NPHP4: variants seen among roughly 807,000 people sequenced by gnomAD.
The protein encoded by NPHP4 is nephrocystin 4.
In NPHP4, 151 loss-of-function variants were observed where a neutral mutation model predicts 155.8. That is an observed-to-expected ratio of 0.97 (90% CI 0.85 to 1.11). The LOEUF is 1.11. NPHP4 is among the 50% of genes least tolerant of loss of function. The pLI is 0.00. For synonymous variants in NPHP4, 845 were observed against 816.8 expected, an observed-to-expected ratio of 1.03 and a Z score of -0.59; for missense variants, 1,956 against 1,925.7, an observed-to-expected ratio of 1.02 and a Z score of -0.29.
At chr1:5,923,290 T>A (rs538967098) in intron 11 of NPHP4, among the ~76,000 whole-genome samples, 1 of 152,180 alleles carries the variant, frequency 6.6e-6, no homozygotes, top group Admixed American at 6.5e-5. Flanking sequence ...TAAAATACAT[T>A]TTCTTTTAAA....
At chr1:5,961,717 C>T in intron 6 of NPHP4, 77 bp downstream of exon 6, 5 of 1,431,464 alleles carry the variant, frequency 3.5e-6, no homozygotes, top group Non-Finnish European at 4.8e-6. Context: ...CCCAGAAGAG[C>T]CCAGTGCCTT....
chr1:5,962,393 T>C (rs1383545353), intron 5 of NPHP4, among the ~76,000 whole-genome samples: 1 of 151,860 alleles, frequency 6.6e-6, no homozygotes, highest in Non-Finnish European at 1.5e-5. Flanking sequence ...ACCCACTAAT[T>C]CCCTCAGTCT....
intron 23 of NPHP4, among the ~76,000 whole-genome samples, chr1:5,869,804 G>C (rs922454157): frequency 1.3e-5 from 2 of 152,214 alleles, no homozygotes; most frequent in African/African-American, 4.8e-5. Context: ...AGGCAAATAA[G>C]TAAGCCAAAT....
At chr1:5,894,440 AC>A (rs1228754428) in intron 16 of NPHP4, among the ~76,000 whole-genome samples, 2 of 149,316 alleles carry the variant, frequency 1.3e-5, no homozygotes, top group Non-Finnish European at 3.0e-5. Flanking sequence ...ACAGAGCAAG[AC>A]CCAGTCTCAA....
At chr1:5,956,072 T>G (rs1434131613) in intron 6 of NPHP4, among the ~76,000 whole-genome samples, 3,688 of 54,324 alleles carry the variant, frequency 0.068, 3 homozygotes, top group Middle Eastern at 0.11. Context: ...GGGGGGGGGG[T>G]GCAGGGAGGG....
intron 5 of NPHP4, among the ~76,000 whole-genome samples, chr1:5,964,682 A>G (rs925257519): frequency 1.3e-5 from 2 of 151,770 alleles, no homozygotes; most frequent in Non-Finnish European, 2.9e-5. Context: ...GCCAGTGAGT[A>G]AAACCTGACT....
chr1:5,865,340 C>A (rs1265389602), intron 26 of NPHP4, 67 bp from the exon 27 acceptor site: 6 of 1,380,070 alleles, frequency 4.3e-6, no homozygotes, highest in African/African-American at 1.4e-5. Flanking sequence ...GAGAGGCCAA[C>A]AAGGGCTGCC....
intron 7 of NPHP4, among the ~76,000 whole-genome samples, chr1:5,951,943 C>A (rs533031414): frequency 3.7e-4 from 57 of 152,328 alleles, no homozygotes; most frequent in African/African-American, 1.3e-3. Context: ...ACTAGGCAGG[C>A]TGAGCTCCAC....
At position 5,867,928 on chromosome 1, in the gene NPHP4, G is replaced by A; in HGVS notation, c.3316-32C>T. 6.2e-7 allele frequency: 1 copy of A among 1,613,282 alleles called. No homozygotes were observed. On this transcript the variant is annotated intron_variant, in intron 23 of 29. Transcript: ENST00000378156. This position sits in a 1 kb window ranked among gnomAD's most constrained non-coding sequence, Gnocchi z 4.1. The stretch of plus-strand genomic sequence containing the variant: ...GGAGGCCACGCTGAGTGTTGGGATG[G>A]GCACGAGGCTTGTGAGCAGCTTCTT...
At chr1:5,865,006 G>A in intron 27 of NPHP4, 96 bp downstream of exon 27, 3 of 1,296,704 alleles carry the variant, frequency 2.3e-6, no homozygotes, top group Non-Finnish European at 3.3e-6. Flanking sequence ...AAAAGCTGCT[G>A]TCAGGGCCAC....
At chr1:5,954,642 C>T (rs1469922005) in intron 6 of NPHP4, among the ~76,000 whole-genome samples, 1 of 152,198 alleles carries the variant, frequency 6.6e-6, no homozygotes, top group Non-Finnish European at 1.5e-5. Context: ...TGGACACCCA[C>T]ATGCAGAAGA....
intron 17 of NPHP4, chr1:5,888,674 G>A (rs1035160259): frequency 9.8e-5 from 120 of 1,225,960 alleles, no homozygotes; most frequent in Non-Finnish European, 1.1e-4. Flanking sequence ...AAGGAAATGC[G>A]AATGAAAACA....
chr1:5,863,499 G>A, intron 29 of NPHP4, 94 bp from the exon 30 acceptor site: 2 of 1,492,486 alleles, frequency 1.3e-6, no homozygotes, highest in Non-Finnish European at 1.8e-6. Flanking sequence ...ATTTCCAAGG[G>A]GAGCTGACAA....
intron 16 of NPHP4, among the ~76,000 whole-genome samples, chr1:5,898,081 C>T (rs1644482489): frequency 6.6e-6 from 1 of 152,204 alleles, no homozygotes; most frequent in African/African-American, 2.4e-5. Flanking sequence ...GGAGATGCCT[C>T]TCGGCTGGGA....
intron 18 of NPHP4, among the ~76,000 whole-genome samples, chr1:5,884,376 G>T (rs535675955): frequency 1.3e-5 from 2 of 152,124 alleles, no homozygotes; most frequent in Admixed American, 6.5e-5. Context: ...CTGTCCTGAC[G>T]CCTGCCTCCC....
At chr1:5,963,940 G>A (rs549821289) in intron 5 of NPHP4, among the ~76,000 whole-genome samples, 2 of 152,186 alleles carry the variant, frequency 1.3e-5, no homozygotes, top group African/African-American at 4.8e-5. Context: ...TGCCTGCCTT[G>A]GCCTCCCAAA....
intron 2 of NPHP4, among the ~76,000 whole-genome samples, chr1:5,984,879 A>C (rs1655233887): frequency 6.6e-6 from 1 of 152,256 alleles, no homozygotes; most frequent in African/African-American, 2.4e-5. Context: ...CCAGACCAGG[A>C]GGGTGGCATC....
rs1456551223 is a variant in NPHP4, at chr1:5,892,008, C to T, written c.2144-980G>A. On this transcript the variant is annotated intron_variant, in intron 16 of 29. Coordinates refer to ENST00000378156, the MANE Select transcript of NPHP4 (RefSeq NM_015102.5). The surrounding 1 kb of genome is among the most constrained non-coding windows in gnomAD (Gnocchi z 4.5). ...TGGAGCAAGGACCCACTGCTCAGGCCCGGCGCTGGCCACAGCAGGAGCTCA... is the reference window on the plus strand; with the variant it reads ...TGGAGCAAGGACCCACTGCTCAGGCTCGGCGCTGGCCACAGCAGGAGCTCA... Among the ~76,000 whole-genome samples, 1 of 152,222 alleles carries T rather than the reference C, an allele frequency of 6.6e-6. No homozygotes were observed.
At chr1:5,924,137 G>A (rs750734396) in intron 11 of NPHP4, among the ~76,000 whole-genome samples, 76 of 152,194 alleles carry the variant, frequency 5.0e-4, no homozygotes, top group Admixed American at 2.5e-3. Context: ...AGACACTCCA[G>A]AAGAAAAGAA....
Sources: allele counts gnomAD v4.1 joint callset (sites outside exome capture counted in the v4.1 genomes callset), GRCh38; gene constraint gnomAD v4.1.1; non-coding constraint Gnocchi (gnomAD v3.1); transcripts MANE v1.5; gene names NCBI Gene and HGNC (gene_info 2026-07-23, HGNC 2026-07-21).